SLC2A12: variants seen among roughly 807,000 people sequenced by gnomAD.
The protein encoded by SLC2A12 is solute carrier family 2, facilitated glucose transporter member 12.
SLC2A12 carries 23 observed loss-of-function variants against 41.8 expected under a neutral mutation model. The observed-to-expected ratio is 0.55, with a 90% CI of 0.40 to 0.78. The LOEUF (loss-of-function observed/expected upper bound fraction) is 0.78. Among genes scored for constraint, SLC2A12 ranks in the 30% least tolerant of loss-of-function variants. SLC2A12 has a pLI of 0.00. For synonymous variants in SLC2A12, 295 were observed against 285.9 expected, an observed-to-expected ratio of 1.03 and a Z score of -0.32; for missense variants, 654 against 745.6, an observed-to-expected ratio of 0.88 and a Z score of 1.43.
chr6:134,010,100 ATAAG>A, intron 2 of SLC2A12, among the ~76,000 whole-genome samples: 1 of 152,356 alleles, frequency 6.6e-6, no homozygotes, highest in East Asian at 1.9e-4. Flanking sequence ...GTTTCAGTTC[ATAAG>A]TAAGGACTGA....
At chr6:134,022,540 AAAGAAAAG>A (rs997679950) in intron 2 of SLC2A12, among the ~76,000 whole-genome samples, 1 of 24,590 alleles carries the variant, frequency 4.1e-5, no homozygotes, top group Non-Finnish European at 7.3e-5. Flanking sequence ...TCAAAAAAGA[AAAGAAAAG>A]AAAAGAAAAG....
intron 2 of SLC2A12, among the ~76,000 whole-genome samples, chr6:134,012,810 A>T (rs1278474886): frequency 6.6e-6 from 1 of 152,130 alleles, no homozygotes; most frequent in Admixed American, 6.5e-5. Context: ...TCTACAAAAA[A>T]TTTTTAAAAA....
chr6:133,997,085 C>CAAAAAAAAAAAA (rs58295985), intron 4 of SLC2A12, among the ~76,000 whole-genome samples: 110 of 70,498 alleles, frequency 1.6e-3, no homozygotes, highest in South Asian at 2.2e-3. Flanking sequence ...ACTAAAAATA[C>CAAAAAAAAAAAA]AAAAAAAAAA....
intron 4 of SLC2A12, among the ~76,000 whole-genome samples, chr6:133,999,232 C>G (rs1432209018): frequency 1.3e-5 from 2 of 152,132 alleles, no homozygotes; most frequent in Non-Finnish European, 2.9e-5. Flanking sequence ...GGATGTAGAG[C>G]TGAATCTTCA....
chr6:134,011,595 T>C (rs1189260897), intron 2 of SLC2A12, among the ~76,000 whole-genome samples: 1 of 152,166 alleles, frequency 6.6e-6, no homozygotes, highest in Non-Finnish European at 1.5e-5. Context: ...TGATCTTAAA[T>C]TGAAATTTCT....
At chr6:134,041,500 A>G (rs1275907596) in intron 1 of SLC2A12, among the ~76,000 whole-genome samples, 4 of 151,896 alleles carry the variant, frequency 2.6e-5, no homozygotes, top group Admixed American at 6.6e-5. Flanking sequence ...AAAGAGAGAG[A>G]GAGAGAAAGA....
intron 3 of SLC2A12, 37 bp downstream of exon 3, chr6:134,006,775 G>A (rs1479946825): frequency 1.2e-6 from 2 of 1,612,074 alleles, no homozygotes; most frequent in African/African-American, 1.3e-5. Context: ...TGTCCTACGA[G>A]GACCAAAGAC....
chr6:134,032,536 G>A (rs1352489312), intron 1 of SLC2A12, among the ~76,000 whole-genome samples: 1 of 142,276 alleles, frequency 7.0e-6, no homozygotes, highest in African/African-American at 2.7e-5. Flanking sequence ...CCAACATGGA[G>A]TTATATGCTA....
intron 2 of SLC2A12, among the ~76,000 whole-genome samples, chr6:134,007,680 G>T (rs1426655059): frequency 6.6e-6 from 1 of 152,182 alleles, no homozygotes; most frequent in Non-Finnish European, 1.5e-5. Context: ...AAATTAACTT[G>T]TCTTCTGCTC....
intron 4 of SLC2A12, among the ~76,000 whole-genome samples, chr6:133,998,326 A>T (rs1776718778): frequency 6.6e-6 from 1 of 152,212 alleles, no homozygotes; most frequent in Non-Finnish European, 1.5e-5. Context: ...TTGCAATTTG[A>T]TACAATCTGG....
chr6:133,991,431 C>T lies in SLC2A12; in HGVS notation c.1701-123G>A, dbSNP rs142278353. 387 of 1,068,714 alleles carry T rather than the reference C, an allele frequency of 3.6e-4. 3 individuals are homozygous for T. The African/African-American group carries it at 5.6e-3, about 15-fold the overall frequency. 66.2% of individuals were successfully genotyped at this position (1,068,714 alleles called of 1,614,324 possible). A position where few individuals can be genotyped will look rare whatever the true frequency, so the allele number is the denominator to read the frequency against. ...TTTTAGCTATGCAAAAATAAATACACATTTTTATTAGGAATCCTGCTGCAT... is the reference window on the plus strand; with the variant it reads ...TTTTAGCTATGCAAAAATAAATACATATTTTTATTAGGAATCCTGCTGCAT... On this transcript the variant is annotated intron_variant, in intron 4 of 4. Transcript: ENST00000275230.
chr6:134,038,867 G>A (rs566359523), intron 1 of SLC2A12, among the ~76,000 whole-genome samples: 1 of 151,262 alleles, frequency 6.6e-6, no homozygotes. Flanking sequence ...ACCACGCCTG[G>A]CTAATTTTTA....
chr6:134,026,528 T>C (rs1777113940), intron 2 of SLC2A12, among the ~76,000 whole-genome samples: 1 of 152,244 alleles, frequency 6.6e-6, no homozygotes, highest in South Asian at 2.1e-4. Flanking sequence ...AGTGTCATAG[T>C]AGCCATATGA....
At chr6:134,043,790 CAAA>C (rs529160646) in intron 1 of SLC2A12, among the ~76,000 whole-genome samples, 8 of 69,968 alleles carry the variant, frequency 1.1e-4, no homozygotes, top group African/African-American at 1.0e-4. Context: ...GACTCTGTCC[CAAA>C]AAAAAAAAAA....
intron 1 of SLC2A12, among the ~76,000 whole-genome samples, chr6:134,049,825 C>T (rs531281597): frequency 3.9e-5 from 6 of 152,310 alleles, no homozygotes; most frequent in African/African-American, 1.4e-4. Context: ...GGGAGTTCAA[C>T]TGCAGACCTT....
chr6:134,043,358 T>A (rs1285282431), intron 1 of SLC2A12, among the ~76,000 whole-genome samples: 2 of 152,038 alleles, frequency 1.3e-5, no homozygotes, highest in Non-Finnish European at 2.9e-5. Context: ...GCATGTGGAT[T>A]TAACCATAAG....
chr6:134,027,467 G>A (rs1026010337), intron 2 of SLC2A12, among the ~76,000 whole-genome samples: 1 of 152,142 alleles, frequency 6.6e-6, no homozygotes, highest in Non-Finnish European at 1.5e-5. Flanking sequence ...GAGAGGGAGA[G>A]ACTTAGAAAG....
rs996306307 is a variant in SLC2A12, at chr6:133,988,091, A to G, written c.*3064T>C. 18 of 152,220 alleles carry G rather than the reference A, an allele frequency of 1.2e-4. No homozygotes were observed. The highest frequency in any genetic ancestry group is 1.2e-3 in the Admixed American group (18 of 15,270). 9.4% of individuals were successfully genotyped at this position (152,220 alleles called of 1,614,324 possible). A position where few individuals can be genotyped will look rare whatever the true frequency, so the allele number is the denominator to read the frequency against. ...GGAGATGTTTTAACAAGAAGTGCCC[A>G]TAAGCTGCCTCTGTGCCACAGTGTA... On this transcript the variant is annotated 3_prime_UTR_variant, in exon 5 of 5. Coordinates refer to ENST00000275230, the MANE Select transcript of SLC2A12 (RefSeq NM_145176.3).
chr6:134,023,612 A>T (rs2114466453), intron 2 of SLC2A12, among the ~76,000 whole-genome samples: 1 of 152,370 alleles, frequency 6.6e-6, no homozygotes, highest in East Asian at 1.9e-4. Flanking sequence ...TTCCTGAGAA[A>T]ACAAGCATGA....
Sources: gnomAD v4.1 joint callset for allele counts (sites outside exome capture counted in the v4.1 genomes callset) on GRCh38, gnomAD v4.1.1 for gene constraint, MANE v1.5 for transcripts, NCBI Gene and HGNC (gene_info 2026-07-23, HGNC 2026-07-21) for gene names.